The following SMPDL3A variants were observed in gnomAD, a reference collection of about 807,000 sequenced individuals.
SMPDL3A encodes the protein cyclic GMP-AMP phosphodiesterase SMPDL3A.
A neutral mutation model predicts 38.5 loss-of-function variants in SMPDL3A; 39 were observed. That is an observed-to-expected ratio of 1.01 (90% CI 0.78 to 1.32). The LOEUF (loss-of-function observed/expected upper bound fraction) is 1.32, where lower values mean the gene tolerates loss of function less well. SMPDL3A is among the 40% of genes most tolerant of loss of function. The pLI is 0.00. For missense variants in SMPDL3A, 502 were observed against 536.2 expected, an observed-to-expected ratio of 0.94 and a Z score of 0.63; for synonymous variants, 180 against 194.3, an observed-to-expected ratio of 0.93 and a Z score of 0.61.
intron 7 of SMPDL3A, among the ~76,000 whole-genome samples, chr6:122,807,195 A>T (rs1224461533): frequency 6.6e-6 from 1 of 151,906 alleles, no homozygotes; most frequent in Non-Finnish European, 1.5e-5. Flanking sequence ...GCCACTGGGC[A>T]CACCCAAAAA....
At chr6:122,803,629 G>A in intron 4 of SMPDL3A, 35 bp from the exon 5 acceptor site, 2 of 1,546,938 alleles carry the variant, frequency 1.3e-6, no homozygotes, top group Non-Finnish European at 1.8e-6. Context: ...GTATGTGTAT[G>A]TTTTCCTAAA....
intron 1 of SMPDL3A, among the ~76,000 whole-genome samples, chr6:122,795,079 A>G (rs1254173730): frequency 6.6e-6 from 1 of 152,216 alleles, no homozygotes; most frequent in African/African-American, 2.4e-5. Context: ...ACATTTTATT[A>G]TGGAAACATA....
chr6:122,790,885 G>A (rs1781055215), intron 1 of SMPDL3A, among the ~76,000 whole-genome samples: 4 of 152,154 alleles, frequency 2.6e-5, no homozygotes, highest in Admixed American at 2.6e-4. Flanking sequence ...TCCTGTTTGG[G>A]AAACTGCAAG....
intron 1 of SMPDL3A, among the ~76,000 whole-genome samples, chr6:122,791,792 C>A (rs1374117938): frequency 6.6e-6 from 1 of 152,176 alleles, no homozygotes; most frequent in African/African-American, 2.4e-5. Flanking sequence ...CTCCCGGGTT[C>A]ACGCCATTCT....
At chr6:122,803,229 A>G (rs994717338) in intron 4 of SMPDL3A, among the ~76,000 whole-genome samples, 1 of 152,100 alleles carries the variant, frequency 6.6e-6, no homozygotes, top group Non-Finnish European at 1.5e-5. Flanking sequence ...GGTTTGTCTG[A>G]CCTTTTTTTC....
chr6:122,806,557 T>A (rs1015943957), intron 7 of SMPDL3A, among the ~76,000 whole-genome samples, 200 bp downstream of exon 7: 1 of 152,256 alleles, frequency 6.6e-6, no homozygotes, highest in African/African-American at 2.4e-5. Flanking sequence ...TTTGGAAGGC[T>A]GTTTCTGTTC....
At chr6:122,805,498 TTAAAA>T (rs1168607773) in intron 6 of SMPDL3A, among the ~76,000 whole-genome samples, 3 of 152,228 alleles carry the variant, frequency 2.0e-5, no homozygotes, top group Non-Finnish European at 2.9e-5. Flanking sequence ...ACACAACGGC[TTAAAA>T]TAAAATATAT....
chr6:122,789,496 A>T, intron 1 of SMPDL3A, 38 bp downstream of exon 1: 1 of 1,506,958 alleles, frequency 6.6e-7, no homozygotes, highest in Non-Finnish European at 9.0e-7. Flanking sequence ...CAGCCGGCAA[A>T]GAGCGCGGAG....
chr6:122,808,322 A>G (rs1419729206), intron 7 of SMPDL3A, among the ~76,000 whole-genome samples: 1 of 152,160 alleles, frequency 6.6e-6, no homozygotes, highest in Non-Finnish European at 1.5e-5. Context: ...AGAAATACTC[A>G]CATCATGGAC....
intron 1 of SMPDL3A, among the ~76,000 whole-genome samples, chr6:122,793,414 C>T (rs148809463): frequency 0.024 from 3,716 of 152,256 alleles, 301 homozygotes; most frequent in Admixed American, 0.18. Context: ...CTCTTAACCA[C>T]GACACTGTAT....
At position 122,806,331 on chromosome 6, in the gene SMPDL3A, T is replaced by A; in HGVS notation, c.1018T>A (p.Tyr340Asn). The A allele has an allele frequency of 6.2e-7, 1 of 1,612,118 alleles. No homozygotes were observed. Among genetic ancestry groups the A allele is most frequent in the South Asian group, 1.1e-5 (1 of 90,760 alleles). The part of the protein sequence containing the change: ...TNNPGIRLFQ[Y>N]DPRDYKLLDM... Reference sequence around the variant, plus strand: ...CAATCCTGGTATCAGACTGTTTCAGTATGATCCTCGTGATTATAAATTATT... The same window carrying A: ...CAATCCTGGTATCAGACTGTTTCAGAATGATCCTCGTGATTATAAATTATT... Residue 340 changes from tyrosine (Y) to asparagine (N), a missense_variant, in exon 7 of 8, where the codon TAT (tyrosine) becomes AAT (asparagine). Coordinates refer to ENST00000368440, the MANE Select transcript of SMPDL3A (RefSeq NM_006714.5).
chr6:122,803,983 TC>T, intron 5 of SMPDL3A, 150 bp downstream of exon 5: 2 of 608,386 alleles, frequency 3.3e-6, no homozygotes, highest in Non-Finnish European at 5.4e-6. Flanking sequence ...GGATTTTCTT[TC>T]TTTTTTTTTT....
chr6:122,797,635 G>C lies in SMPDL3A; in HGVS notation c.471+667G>C, dbSNP rs535566363. ...TGTAGTAGTGTAAAATCTTAGATTTGTACCCAGAGATTTTTGTTTAAGTCC... is the reference window on the plus strand; with the variant it reads ...TGTAGTAGTGTAAAATCTTAGATTTCTACCCAGAGATTTTTGTTTAAGTCC... On this transcript the variant is annotated intron_variant, in intron 3 of 7. Coordinates refer to ENST00000368440, the MANE Select transcript of SMPDL3A (RefSeq NM_006714.5). Among the ~76,000 whole-genome samples the C allele has an allele frequency of 5.3e-5, 8 of 152,272 alleles. No homozygotes were observed. In the South Asian group the frequency reaches 1.4e-3, roughly 28 times the overall value.
At chr6:122,793,760 C>T (rs1438777993) in intron 1 of SMPDL3A, among the ~76,000 whole-genome samples, 1 of 152,120 alleles carries the variant, frequency 6.6e-6, no homozygotes, top group East Asian at 1.9e-4. Context: ...GAAACAACCA[C>T]CAAAAGATAA....
Position 122,789,291 on chromosome 6 carries a change from G to A in SMPDL3A, c.-56G>A, listed in dbSNP as rs2115154217. On this transcript the variant is annotated 5_prime_UTR_variant, in exon 1 of 8. Coordinates refer to ENST00000368440, the MANE Select transcript of SMPDL3A (RefSeq NM_006714.5). ...TCTCCGCCTCACCCTCAGGCCTGAC[G>A]GTCCGAGTGGAGCTGCGGGACAGCC... The A allele has an allele frequency of 5.4e-6, 7 of 1,287,848 alleles. No individual in the cohort carries two copies. The highest frequency in any genetic ancestry group is 1.3e-5 in the South Asian group (1 of 76,078). The allele number at this position is 1,287,848 out of a possible 1,614,324, so 79.8% of individuals were successfully genotyped here.
At chr6:122,801,913 ATCATTATGT>A (rs1254856109) in intron 4 of SMPDL3A, among the ~76,000 whole-genome samples, 1 of 152,194 alleles carries the variant, frequency 6.6e-6, no homozygotes, top group African/African-American at 2.4e-5. Flanking sequence ...CTCTTGACAC[ATCATTATGT>A]AAATCCCTGA....
chr6:122,806,436 C>T, intron 7 of SMPDL3A, 79 bp downstream of exon 7: 1 of 1,399,672 alleles, frequency 7.1e-7, no homozygotes, highest in Non-Finnish European at 9.8e-7. Context: ...GAATTTTTCT[C>T]AGGACAGTCA....
intron 4 of SMPDL3A, among the ~76,000 whole-genome samples, chr6:122,803,250 C>T (rs1356233184): frequency 6.6e-6 from 1 of 152,188 alleles, no homozygotes; most frequent in Non-Finnish European, 1.5e-5. Context: ...CGAGTAGTCT[C>T]TAGCAAGATC....
chr6:122,802,125 A>G (rs1279187126), intron 4 of SMPDL3A, among the ~76,000 whole-genome samples: 1 of 151,172 alleles, frequency 6.6e-6, no homozygotes, highest in African/African-American at 2.4e-5. Context: ...ATCATAGTAT[A>G]TATGAATTTG....
Sources: gnomAD v4.1 joint callset for allele counts (sites outside exome capture counted in the v4.1 genomes callset) on GRCh38, gnomAD v4.1.1 for gene constraint, MANE v1.5 for transcripts, NCBI Gene and HGNC (gene_info 2026-07-23, HGNC 2026-07-21) for gene names.